IL12RB2: variants seen among roughly 807,000 people sequenced by gnomAD.
The protein encoded by IL12RB2 is interleukin-12 receptor subunit beta-2.
IL12RB2 carries 82 observed loss-of-function variants against 89.4 expected under a neutral mutation model. The ratio of observed to expected loss-of-function variants is 0.92; its 90% confidence interval spans 0.77 to 1.10. IL12RB2 has a LOEUF of 1.10. Among genes scored for constraint, IL12RB2 ranks in the 50% least tolerant of loss-of-function variants. The pLI is 0.00. For synonymous variants in IL12RB2, 368 were observed against 370.1 expected, an observed-to-expected ratio of 0.99 and a Z score of 0.07; for missense variants, 963 against 1,031.9, an observed-to-expected ratio of 0.93 and a Z score of 0.92.
rs866703038 is a variant in IL12RB2 at position 67,386,735 on chromosome 1, C to T, written c.1946+66C>T. 6.4e-5 allele frequency: 68 copies of T among 1,070,490 alleles called. No homozygotes were observed. The Middle Eastern group carries it at 3.0e-3, about 47-fold the overall frequency. 66.3% of individuals were successfully genotyped at this position (1,070,490 alleles called of 1,614,324 possible). A position where few individuals can be genotyped will look rare whatever the true frequency, so the allele number is the denominator to read the frequency against. On this transcript the variant is annotated intron_variant, in intron 15 of 16. Coordinates refer to ENST00000674203, the MANE Select transcript of IL12RB2 (RefSeq NM_001374259.2). ...TAAAAAATGATAATAGCTGTTGCTG[C>T]CATGGGTCAGGGAAATGGACACTCT... is the stretch of plus-strand genomic sequence containing the variant.
chr1:67,321,125 CAAT>C (rs1005341900), intron 3 of IL12RB2, among the ~76,000 whole-genome samples: 2 of 151,890 alleles, frequency 1.3e-5, no homozygotes, highest in African/African-American at 4.8e-5. Flanking sequence ...TGTAGTAGCA[CAAT>C]GTTTGCAATA....
In IL12RB2 at chr1:67,372,248, C is replaced by T. The variant is rs1470837720; in HGVS notation, c.1460-188C>T. On this transcript the variant is annotated intron_variant, in intron 11 of 16. Transcript: ENST00000674203. The stretch of plus-strand genomic sequence containing the variant: ...GGGAGCAGTAACTTCCAGAAGCCAA[C>T]GTCATGGCAAATCAGATGCTGAGAA... 4.6e-5 allele frequency among the ~76,000 whole-genome samples: 7 copies of T among 152,254 alleles called. No individual in the cohort carries two copies. In the East Asian group the frequency reaches 1.4e-3, roughly 29 times the overall value.
chr1:67,376,479 T>C (rs1485999672), intron 13 of IL12RB2, among the ~76,000 whole-genome samples: 3 of 152,212 alleles, frequency 2.0e-5, no homozygotes, highest in East Asian at 1.9e-4. Context: ...GCCTTTATCA[T>C]TGAATCACCC....
rs147823288 is a variant in IL12RB2 at position 67,397,133 on chromosome 1, G to GAA, written c.*1057_*1058dup. The stretch of plus-strand genomic sequence containing the variant: ...CAGAGCAAGACTCTGTCTCAAAAAA[G>GAA]AAAAAAAAAAAAAAGAATGTACCTT... On this transcript the variant is annotated 3_prime_UTR_variant, in exon 17 of 17. Transcript: ENST00000674203. Among the ~76,000 whole-genome samples the GAA allele has an allele frequency of 8.5e-6, 1 of 118,144 alleles. No homozygotes were observed. The allele number at this position is 118,144 out of a possible 152,430, so 77.5% of individuals were successfully genotyped here.
chr1:67,357,577 T>C (rs1339161456), intron 10 of IL12RB2, among the ~76,000 whole-genome samples: 1 of 152,216 alleles, frequency 6.6e-6, no homozygotes, highest in African/African-American at 2.4e-5. Context: ...TTCAGTTGCA[T>C]TGCATTCTTC....
intron 6 of IL12RB2, among the ~76,000 whole-genome samples, chr1:67,328,754 T>G (rs1378252264): frequency 6.6e-6 from 1 of 152,160 alleles, no homozygotes; most frequent in East Asian, 1.9e-4. Context: ...CCATGGCTAC[T>G]CCCATTGTTG....
At chr1:67,326,272 G>A (rs1657273103) in intron 4 of IL12RB2, among the ~76,000 whole-genome samples, 1 of 152,148 alleles carries the variant, frequency 6.6e-6, no homozygotes, top group Admixed American at 6.5e-5. Context: ...ATTACCAGGG[G>A]TAATGGAGCT....
At chr1:67,391,286 T>C (rs1665783966) in intron 16 of IL12RB2, among the ~76,000 whole-genome samples, 1 of 151,366 alleles carries the variant, frequency 6.6e-6, no homozygotes, top group Non-Finnish European at 1.5e-5. Flanking sequence ...AGAAGACCCA[T>C]AATTTAAGTC....
intron 10 of IL12RB2, among the ~76,000 whole-genome samples, chr1:67,362,880 T>C (rs1231262441): frequency 2.0e-5 from 3 of 150,206 alleles, no homozygotes; most frequent in Non-Finnish European, 4.4e-5. Context: ...AAAAAATAAG[T>C]GAAGGCAAAA....
intron 8 of IL12RB2, among the ~76,000 whole-genome samples, chr1:67,332,521 G>A (rs1313917816): frequency 6.6e-6 from 1 of 152,066 alleles, no homozygotes; most frequent in Non-Finnish European, 1.5e-5. Flanking sequence ...GTCTAAAAGT[G>A]AATTTATCCA....
intron 4 of IL12RB2, among the ~76,000 whole-genome samples, chr1:67,323,495 C>T (rs1050136676): frequency 6.6e-6 from 1 of 152,150 alleles, no homozygotes; most frequent in Non-Finnish European, 1.5e-5. Flanking sequence ...CTCTTATATG[C>T]AAAGTGCTTA....
At chr1:67,385,003 C>T (rs1392939125) in intron 14 of IL12RB2, among the ~76,000 whole-genome samples, 1 of 152,240 alleles carries the variant, frequency 6.6e-6, no homozygotes, top group African/African-American at 2.4e-5. Flanking sequence ...TTCCTGTCTT[C>T]TTCTGAGCCT....
intron 14 of IL12RB2, among the ~76,000 whole-genome samples, chr1:67,383,363 C>G (rs1664806514): frequency 6.6e-6 from 1 of 152,174 alleles, no homozygotes; most frequent in South Asian, 2.1e-4. Flanking sequence ...GGTGAGGACA[C>G]AGCCAAACCA....
rs114471572 is a variant in IL12RB2, at chr1:67,308,743, G to A, written c.-125+776G>A. Among the ~76,000 whole-genome samples, 60 of 152,280 alleles carry A rather than the reference G, an allele frequency of 3.9e-4. No homozygotes were observed. In the Middle Eastern group the frequency reaches 0.02, roughly 52 times the overall value. On this transcript the variant is annotated intron_variant, in intron 1 of 16. Coordinates refer to ENST00000674203, the MANE Select transcript of IL12RB2 (RefSeq NM_001374259.2). ...AGACCTTGTCTAAGAACAGGGTCCC[G>A]GCACGGTGGCTCACGCCTGTAATCC...
intron 11 of IL12RB2, among the ~76,000 whole-genome samples, chr1:67,369,686 T>G (rs1663077981): frequency 6.6e-6 from 1 of 152,238 alleles, no homozygotes; most frequent in African/African-American, 2.4e-5. Context: ...AGAGATGTTT[T>G]CCATACTTAG....
chr1:67,386,464 G>T, intron 14 of IL12RB2, 115 bp from the exon 15 acceptor site: 1 of 794,932 alleles, frequency 1.3e-6, no homozygotes. Flanking sequence ...CCTTATTCTT[G>T]AGCACAGCTG....
intron 13 of IL12RB2, among the ~76,000 whole-genome samples, chr1:67,377,020 T>A (rs1212164870): frequency 6.6e-6 from 1 of 152,242 alleles, no homozygotes; most frequent in African/African-American, 2.4e-5. Context: ...AGGACTTTTC[T>A]CAACAGGATG....
At chr1:67,346,047 C>T (rs929571489) in intron 9 of IL12RB2, among the ~76,000 whole-genome samples, 2 of 152,120 alleles carry the variant, frequency 1.3e-5, no homozygotes, top group Admixed American at 1.3e-4. Flanking sequence ...TATAGCAGAA[C>T]ACTGGGGAGT....
intron 14 of IL12RB2, among the ~76,000 whole-genome samples, chr1:67,381,614 A>C (rs1184358682): frequency 6.6e-6 from 1 of 151,928 alleles, no homozygotes; most frequent in Non-Finnish European, 1.5e-5. Context: ...AAATACAAAA[A>C]AATTAGCCGG....
Sources: allele counts gnomAD v4.1 joint callset (sites outside exome capture counted in the v4.1 genomes callset), GRCh38; gene constraint gnomAD v4.1.1; transcripts MANE v1.5; gene names NCBI Gene and HGNC (gene_info 2026-07-23, HGNC 2026-07-21).